The following IL5RA variants were observed in gnomAD, a reference collection of about 807,000 sequenced individuals.
IL5RA encodes interleukin 5 receptor subunit alpha.
A neutral mutation model predicts 50.0 loss-of-function variants in IL5RA; 49 were observed. The observed-to-expected ratio is 0.98, with a 90% CI of 0.78 to 1.24. IL5RA has a LOEUF of 1.24. IL5RA is among the 50% of genes most tolerant of loss of function. The pLI is 0.00. For missense variants in IL5RA, 600 were observed against 500.4 expected, an observed-to-expected ratio of 1.20 and a Z score of -1.90; for synonymous variants, 202 against 174.0, an observed-to-expected ratio of 1.16 and a Z score of -1.26.
intron 7 of IL5RA, 142 bp from the exon 8 acceptor site, chr3:3,095,586 T>A (rs1158748419): frequency 3.3e-5 from 23 of 695,874 alleles, no homozygotes; most frequent in Middle Eastern, 4.0e-4. Context: ...AATCAACTGA[T>A]CTCCAAGCCA....
chr3:3,099,955 C>T (rs941367940), intron 5 of IL5RA, among the ~76,000 whole-genome samples: 6 of 152,228 alleles, frequency 3.9e-5, no homozygotes, highest in African/African-American at 9.6e-5. Context: ...CAGGCGTGAG[C>T]GACCGCACCC....
chr3:3,100,263 T>A (rs979804258), intron 5 of IL5RA, among the ~76,000 whole-genome samples: 1 of 152,214 alleles, frequency 6.6e-6, no homozygotes, highest in Non-Finnish European at 1.5e-5. Context: ...CCAGTGTCTT[T>A]CAAGAAGCAG....
chr3:3,084,053 T>TA (rs11399967), intron 9 of IL5RA, among the ~76,000 whole-genome samples: 42,860 of 99,244 alleles, frequency 0.43, 7,486 homozygotes, highest in Non-Finnish European at 0.45. Context: ...CTCCATCTCA[T>TA]AAAAAAAAAA....
At position 3,067,143 on chromosome 3, in the gene IL5RA, C is replaced by G. The variant is rs1043998586; in HGVS notation, c.*3082G>C. ...AACAGTATAGACCACTCACAGTGAG[C>G]CACTTCTGAAATGCCTCTTACACAG... On this transcript the variant is annotated 3_prime_UTR_variant, in exon 12 of 12. Transcript: ENST00000446632. 1 of 152,226 alleles carries G rather than the reference C, an allele frequency of 6.6e-6. No individual in the cohort carries two copies. Among genetic ancestry groups the G allele is most frequent in the African/African-American group, 2.4e-5 (1 of 41,462 alleles). 9.4% of individuals were successfully genotyped at this position (152,226 alleles called of 1,614,324 possible). A position where few individuals can be genotyped will look rare whatever the true frequency, so the allele number is the denominator to read the frequency against.
chr3:3,070,033 G>A lies in IL5RA; in HGVS notation c.*192C>T. On this transcript the variant is annotated 3_prime_UTR_variant, in exon 12 of 12. Transcript: ENST00000446632. ...TGGATGAGTCAACTTCCCTGCTGTA[G>A]GTGAGGCGATTTGGATGAAGCATCC... 1.9e-6 allele frequency: 1 copy of A among 532,356 alleles called. No homozygotes were observed. The highest frequency in any genetic ancestry group is 3.5e-5 in the Admixed American group (1 of 28,184). The allele number at this position is 532,356 out of a possible 1,614,324, so 33.0% of individuals were successfully genotyped here. A position where few individuals can be genotyped will look rare whatever the true frequency, so the allele number is the denominator to read the frequency against.
At position 3,092,974 on chromosome 3, in the gene IL5RA, G is replaced by A. The variant is rs1360527670; in HGVS notation, c.856-612C>T. ...TGGACCTTTGCAGTAGCCGCTAACT[G>A]ATATCATATGTCCATGTCGCCCCTC... On this transcript the variant is annotated intron_variant, in intron 8 of 11. Coordinates refer to ENST00000446632, the MANE Select transcript of IL5RA (RefSeq NM_175726.4). This position sits in a 1 kb window ranked among gnomAD's most constrained non-coding sequence, Gnocchi z 4.2. 2.6e-5 allele frequency among the ~76,000 whole-genome samples: 4 copies of A among 151,936 alleles called. No homozygotes were observed. The highest frequency in any genetic ancestry group is 5.9e-5 in the Non-Finnish European group (4 of 67,994).
In IL5RA at chr3:3,070,228, A is replaced by C. The variant is rs1702251926; in HGVS notation, c.1260T>G (p.Phe420Leu). 1 of 1,608,442 alleles carries C rather than the reference A, an allele frequency of 6.2e-7. No homozygotes were observed. Among genetic ancestry groups the C allele is most frequent in the African/African-American group, 1.3e-5 (1 of 74,682 alleles). The change falls in exon 12 of 12, where the codon TTT becomes TTG. Residue 420 changes from phenylalanine (F) to leucine (L), a missense_variant. By Grantham distance (22) the Phe-to-Leu change is conservative (BLOSUM62 0). Transcript: ENST00000446632. ...PGVETLEDSV[F>L] Reference sequence around the variant, plus strand: ...TCAGAGGATGCCAAAGTGACAGTCAAAACACAGAATCCTCCAGGGTCTCAA... The same window carrying C: ...TCAGAGGATGCCAAAGTGACAGTCACAACACAGAATCCTCCAGGGTCTCAA...
rs1017229082 is a variant in IL5RA, at chr3:3,109,316, G to A, written c.-145-625C>T. ...GAAATCCAAGAACCCCTACCAGAAA[G>A]AAAAAGCAGAACGCCTCCTTCAGTT... On this transcript the variant is annotated intron_variant, in intron 1 of 11. Transcript: ENST00000446632. Among the ~76,000 whole-genome samples the A allele has an allele frequency of 1.1e-4, 16 of 152,268 alleles. No homozygotes were observed. The East Asian group carries it at 2.5e-3, about 24-fold the overall frequency.
chr3:3,108,127 C>G (rs566207962), intron 2 of IL5RA, among the ~76,000 whole-genome samples: 16 of 152,240 alleles, frequency 1.1e-4, no homozygotes, highest in African/African-American at 3.9e-4. Flanking sequence ...TTTACTTTCT[C>G]TTTTATCCTG....
chr3:3,083,966 A>T (rs1321929248), intron 9 of IL5RA, among the ~76,000 whole-genome samples: 1 of 146,844 alleles, frequency 6.8e-6, no homozygotes, highest in Non-Finnish European at 1.5e-5. Context: ...AATTGCTTGA[A>T]CCCCCATGGG....
At chr3:3,105,985 C>T (rs1032485488) in intron 2 of IL5RA, among the ~76,000 whole-genome samples, 2 of 152,184 alleles carry the variant, frequency 1.3e-5, no homozygotes, top group Admixed American at 6.5e-5. Context: ...TTCCTACTCT[C>T]TTACCACGTG....
intron 9 of IL5RA, among the ~76,000 whole-genome samples, chr3:3,091,059 T>A (rs947257984): frequency 9.2e-5 from 14 of 152,104 alleles, no homozygotes; most frequent in African/African-American, 3.4e-4. Flanking sequence ...AGCAAACTAG[T>A]CCATTTGATC....
intron 9 of IL5RA, among the ~76,000 whole-genome samples, chr3:3,086,626 A>G (rs146375113): frequency 2.0e-3 from 302 of 152,236 alleles, no homozygotes; most frequent in Middle Eastern, 6.8e-3. Flanking sequence ...TGAGCCCAGG[A>G]GTTCGAGACC....
At chr3:3,090,636 G>A (rs1356042353) in intron 9 of IL5RA, among the ~76,000 whole-genome samples, 1 of 142,360 alleles carries the variant, frequency 7.0e-6, no homozygotes, top group Admixed American at 7.4e-5. Context: ...GTGCGATCTC[G>A]GCTCACTGCA....
In IL5RA at chr3:3,098,151, A is replaced by C; in HGVS notation, c.507T>G (p.Tyr169Ter). ...ACAGTACTAACCTATAGTAGAGAAAATACTGCGTGTCCTCAGGGGCATCTG... is the reference window on the plus strand; with the variant it reads ...ACAGTACTAACCTATAGTAGAGAAACTACTGCGTGTCCTCAGGGGCATCTG... ...VGTDAPEDTQ[Y>*]FLYYRYGSWT... Residue 169 changes from tyrosine to a stop codon, truncating the protein, a stop_gained, in exon 6 of 12, where the codon TAT becomes TAG. Transcript: ENST00000446632. LOFTEE classifies it high-confidence loss of function. 6.2e-7 allele frequency: 1 copy of C among 1,614,150 alleles called. No homozygotes were observed.
chr3:3,074,645 C>T, intron 11 of IL5RA, 137 bp downstream of exon 11: 1 of 580,008 alleles, frequency 1.7e-6, no homozygotes, highest in Non-Finnish European at 3.1e-6. Flanking sequence ...AACAGAATGA[C>T]TGAAGCAACA....
chr3:3,092,133 T>A lies in IL5RA; in HGVS notation c.994+91A>T, dbSNP rs1703143134. 6.5e-7 allele frequency: 1 copy of A among 1,533,656 alleles called. No homozygotes were observed. Among genetic ancestry groups the A allele is most frequent in the Admixed American group, 2.1e-5 (1 of 47,450 alleles). On this transcript the variant is annotated intron_variant, in intron 9 of 11. Transcript: ENST00000446632. The surrounding 1 kb of genome is among the most constrained non-coding windows in gnomAD (Gnocchi z 4.2). Reference sequence around the variant, plus strand: ...TCACAATAGAGATATGAAACCATTTTAAGACCCACGAGTGAACGGGTACGT... The same window carrying A: ...TCACAATAGAGATATGAAACCATTTAAAGACCCACGAGTGAACGGGTACGT...
intron 5 of IL5RA, among the ~76,000 whole-genome samples, chr3:3,099,285 C>T (rs963087109): frequency 8.5e-5 from 13 of 152,130 alleles, no homozygotes; most frequent in Non-Finnish European, 1.5e-5. Flanking sequence ...ATCTCTTGAG[C>T]CCAGGAGTTT....
intron 9 of IL5RA, among the ~76,000 whole-genome samples, chr3:3,087,100 C>T (rs369784858): frequency 1.3e-5 from 2 of 152,216 alleles, no homozygotes; most frequent in Non-Finnish European, 1.5e-5. Context: ...GATGAAAAGT[C>T]ACCTATTCAG....
Sources: gnomAD v4.1 joint callset for allele counts (sites outside exome capture counted in the v4.1 genomes callset) on GRCh38, gnomAD v4.1.1 for gene constraint, Gnocchi (gnomAD v3.1) non-coding constraint, MANE v1.5 for transcripts, NCBI Gene and HGNC (gene_info 2026-07-23, HGNC 2026-07-21) for gene names.